HYDIN: variants seen among roughly 807,000 people sequenced by gnomAD.
HYDIN encodes axonemal central pair apparatus protein HYDIN.
In HYDIN, 132 loss-of-function variants were observed where a neutral mutation model predicts 403.9. The ratio of observed to expected loss-of-function variants is 0.33; its 90% CI spans 0.28 to 0.38. HYDIN has a LOEUF of 0.38. Ranked by LOEUF, HYDIN falls within the 10% of genes least tolerant of loss-of-function variation. The pLI is 1.00. For synonymous variants in HYDIN, 1,202 were observed against 1,891.7 expected (o/e 0.64, Z 9.46); for missense variants, 2,827 against 5,009.5 (o/e 0.56, Z 13.15).
At chr16:70,943,296 T>A (rs2077739660) in intron 42 of HYDIN, among the ~76,000 whole-genome samples, 2 of 152,228 alleles carry the variant, frequency 1.3e-5, no homozygotes, top group African/African-American at 4.8e-5. Context: ...GTAAAATAAT[T>A]CAGAAATGTA....
intron 62 of HYDIN, among the ~76,000 whole-genome samples, chr16:70,877,393 A>C (rs1391494254): frequency 6.6e-6 from 1 of 152,166 alleles, no homozygotes. Context: ...ACACCTGGAC[A>C]TATCATAGTA....
intron 15 of HYDIN, among the ~76,000 whole-genome samples, chr16:71,065,215 T>C (rs1231106418): frequency 6.6e-6 from 1 of 152,186 alleles, no homozygotes; most frequent in East Asian, 1.9e-4. Flanking sequence ...CCTAACTAGC[T>C]GTGACACTTT....
At chr16:71,185,137 A>C in intron 2 of HYDIN, 147 bp from the exon 3 acceptor site, 1 of 423,964 alleles carries the variant, frequency 2.4e-6, no homozygotes. Flanking sequence ...AATATTTAAA[A>C]TAAGTAAATT....
chr16:71,126,581 G>A (rs2084469927), intron 9 of HYDIN, among the ~76,000 whole-genome samples: 1 of 147,362 alleles, frequency 6.8e-6, no homozygotes, highest in South Asian at 2.2e-4. Flanking sequence ...AGCTGCAGTG[G>A]AGATCGAGGC....
chr16:70,852,991 T>C (rs1242362095), intron 73 of HYDIN, among the ~76,000 whole-genome samples: 1 of 141,128 alleles, frequency 7.1e-6, no homozygotes, highest in Non-Finnish European at 1.5e-5. Flanking sequence ...CTGGCCAACA[T>C]GGTGAAACCC....
At chr16:71,167,800 T>C (rs1597930494) in intron 5 of HYDIN, among the ~76,000 whole-genome samples, 1 of 152,188 alleles carries the variant, frequency 6.6e-6, no homozygotes, top group Middle Eastern at 3.4e-3. Flanking sequence ...TTAATTCAGA[T>C]GTTATGACTA....
At position 70,981,471 on chromosome 16, in the gene HYDIN, T is replaced by C. The variant is rs2079044526; in HGVS notation, c.4430A>G (p.His1477Arg). 1.2e-6 allele frequency: 2 copies of C among 1,613,840 alleles called. No homozygotes were observed. The highest frequency in any genetic ancestry group is 1.6e-4 in the Middle Eastern group (1 of 6,082). ...FKRSFQIQIA[H>R]LDPENITLSG... ...CAGAGTGATATTTTCTGGGTCCAGG[T>C]GGGCGATCTGTATCTGGAAACTCCT... Residue 1477 changes from histidine (H) to arginine (R), a missense_variant, in exon 29 of 86, where the codon CAC becomes CGC. By Grantham distance (29) the His-to-Arg change is conservative. Transcript: ENST00000393567.
At chr16:70,990,188 A>G (rs1219899652) in intron 25 of HYDIN, among the ~76,000 whole-genome samples, 1 of 151,640 alleles carries the variant, frequency 6.6e-6, no homozygotes, top group African/African-American at 2.4e-5. Flanking sequence ...CTGAGCTCAG[A>G]TGTTCAAGAC....
chr16:70,841,206 C>T (rs1166248678), intron 75 of HYDIN, among the ~76,000 whole-genome samples: 1 of 152,176 alleles, frequency 6.6e-6, no homozygotes, highest in Non-Finnish European at 1.5e-5. Flanking sequence ...AGGTTTGTTA[C>T]ACAGATAAAT....
Position 70,959,898 on chromosome 16 carries a change from A to T in HYDIN, c.5969-78T>A, listed in dbSNP as rs1236861615. On this transcript the variant is annotated intron_variant, in intron 38 of 85. Transcript: ENST00000393567. ...CGGAATTTACATGGGTACTGATGGA[A>T]ATGGGAATGGATATTTCTTTTTAAA... The T allele has an allele frequency of 1.1e-5, 6 of 567,606 alleles. No homozygotes were observed. The East Asian group carries it at 1.8e-4, about 17-fold the overall frequency. The allele number at this position is 567,606 out of a possible 1,614,324, so 35.2% of individuals were successfully genotyped here.
intron 39 of HYDIN, among the ~76,000 whole-genome samples, chr16:70,958,486 A>G (rs2078310012): frequency 6.6e-6 from 1 of 151,940 alleles, no homozygotes; most frequent in African/African-American, 2.4e-5. Flanking sequence ...TGCAGTTTCT[A>G]TGGATCCATC....
chr16:71,208,627 G>A (rs1309859097), intron 1 of HYDIN, among the ~76,000 whole-genome samples: 1 of 151,954 alleles, frequency 6.6e-6, no homozygotes, highest in Non-Finnish European at 1.5e-5. Context: ...TTTATTTTTT[G>A]AAACAATTAA....
intron 10 of HYDIN, among the ~76,000 whole-genome samples, chr16:71,110,445 TATA>T (rs1462425663): frequency 2.8e-5 from 4 of 142,048 alleles, no homozygotes; most frequent in Admixed American, 7.1e-5. Flanking sequence ...ATATAAATAA[TATA>T]ATATATAAAT....
intron 13 of HYDIN, among the ~76,000 whole-genome samples, chr16:71,074,825 T>A (rs2082580511): frequency 1.4e-5 from 2 of 147,822 alleles, no homozygotes; most frequent in Admixed American, 6.9e-5. Flanking sequence ...CCTGGGGAAA[T>A]AATGGTACTT....
rs752437756 is a variant in HYDIN at position 70,862,204 on chromosome 16, G to T, written c.11621C>A (p.Thr3874Asn). 1 of 1,613,818 alleles carries T rather than the reference G, an allele frequency of 6.2e-7. No homozygotes were observed. Among genetic ancestry groups the T allele is most frequent in the Admixed American group, 1.7e-5 (1 of 60,016 alleles). ...CCAGTGGTCCATGGTGCTGTCCAGG[G>T]TGCTGCCTGTATGCATCGTGCCCTG... ...LSQGTMHTGS[T>N]LDSTMDHWAE... The change falls in exon 69 of 86, where the codon ACC (threonine) becomes AAC (asparagine). Residue 3874 changes from threonine to asparagine, a missense_variant. Transcript: ENST00000393567.
At chr16:70,944,090 G>A in intron 41 of HYDIN, 141 bp from the exon 42 acceptor site, 1 of 644,342 alleles carries the variant, frequency 1.6e-6, no homozygotes, top group South Asian at 2.1e-5. Context: ...ATTATAAAAT[G>A]GAAGGACCCT....
intron 21 of HYDIN, among the ~76,000 whole-genome samples, chr16:71,022,007 G>A (rs1385744212): frequency 2.6e-5 from 4 of 151,610 alleles, no homozygotes; most frequent in African/African-American, 9.7e-5. Context: ...TGAGATACCA[G>A]CCTTTGTTTC....
At chr16:71,174,367 T>C (rs2086581365) in intron 5 of HYDIN, among the ~76,000 whole-genome samples, 1 of 152,214 alleles carries the variant, frequency 6.6e-6, no homozygotes, top group Admixed American at 6.5e-5. Flanking sequence ...CGATAGGTAC[T>C]AGCGGTGGAG....
chr16:71,030,114 G>T (rs533067813), intron 19 of HYDIN, among the ~76,000 whole-genome samples: 1 of 152,240 alleles, frequency 6.6e-6, no homozygotes, highest in East Asian at 1.9e-4. Context: ...GCAGTGGTGT[G>T]ATCCTGGTTC....
Sources: gnomAD v4.1 joint callset for allele counts (sites outside exome capture counted in the v4.1 genomes callset) on GRCh38, gnomAD v4.1.1 for gene constraint, MANE v1.5 for transcripts, NCBI Gene and HGNC (gene_info 2026-07-23, HGNC 2026-07-21) for gene names.